ARK2C: variants seen among roughly 807,000 people sequenced by gnomAD.
ARK2C encodes the protein E3 ubiquitin-protein ligase ARK2C.
the ARK2C span, among the ~76,000 whole-genome samples, chr18:46,343,853 G>C: frequency 6.6e-6 from 1 of 152,246 alleles, no homozygotes; most frequent in South Asian, 2.1e-4. Context: ...TGCCTGGCTA[G>C]TAGCCCACCC....
chr18:46,383,550 GTT>G, the ARK2C span, among the ~76,000 whole-genome samples: 1,056 of 97,810 alleles, frequency 0.011, 1 homozygote, highest in African/African-American at 0.017. Flanking sequence ...GGTTTTCTCT[GTT>G]TTTTTTTTTT....
chr18:46,341,874 C>A, the ARK2C span, among the ~76,000 whole-genome samples: 1 of 152,272 alleles, frequency 6.6e-6, no homozygotes, highest in African/African-American at 2.4e-5. Context: ...AAAAGACAGA[C>A]CCCAAAGTGG....
chr18:46,386,479 G>T, the ARK2C span: 1 of 152,076 alleles, frequency 6.6e-6, no homozygotes, highest in East Asian at 1.9e-4. Context: ...CTAAGGCCTG[G>T]TAAGGACTGG....
At chr18:46,387,771 AG>A in the ARK2C span, among the ~76,000 whole-genome samples, 1 of 152,272 alleles carries the variant, frequency 6.6e-6, no homozygotes, top group Non-Finnish European at 1.5e-5. Context: ...CTGAAATCCC[AG>A]GGTCAGCTCA....
chr18:46,432,676 G>C, the ARK2C span, among the ~76,000 whole-genome samples: 1 of 152,224 alleles, frequency 6.6e-6, no homozygotes, highest in Admixed American at 6.5e-5. Flanking sequence ...ACACTTCCCC[G>C]GCCAGGCGCG....
the ARK2C span, among the ~76,000 whole-genome samples, chr18:46,414,677 C>T: frequency 2.0e-5 from 3 of 152,188 alleles, no homozygotes; most frequent in Non-Finnish European, 4.4e-5. Context: ...CACAGATGCA[C>T]GCTCACAGAC....
the ARK2C span, among the ~76,000 whole-genome samples, chr18:46,436,984 G>T: frequency 6.6e-6 from 1 of 152,366 alleles, no homozygotes; most frequent in Non-Finnish European, 1.5e-5. Flanking sequence ...TCATCCTGGG[G>T]AGATGGCAGG....
At chr18:46,383,548 C>G in the ARK2C span, among the ~76,000 whole-genome samples, 1 of 125,660 alleles carries the variant, frequency 8.0e-6, no homozygotes, top group Non-Finnish European at 1.6e-5. Flanking sequence ...TTGGTTTTCT[C>G]TGTTTTTTTT....
At chr18:46,427,051 A>G in the ARK2C span, among the ~76,000 whole-genome samples, 1 of 152,184 alleles carries the variant, frequency 6.6e-6, no homozygotes. Context: ...CAGACCCTAC[A>G]TGATTTAGGG....
the ARK2C span, among the ~76,000 whole-genome samples, chr18:46,360,365 A>G: frequency 1.2e-4 from 18 of 152,280 alleles, no homozygotes; most frequent in African/African-American, 4.1e-4. Flanking sequence ...TGCTCCCCAC[A>G]ATGGTGCTCA....
the ARK2C span, among the ~76,000 whole-genome samples, chr18:46,395,908 G>C: frequency 3.9e-5 from 6 of 152,304 alleles, no homozygotes; most frequent in East Asian, 1.2e-3. Flanking sequence ...TAGTTCTTCC[G>C]ATCTCATTTA....
the ARK2C span, among the ~76,000 whole-genome samples, chr18:46,395,839 G>T: frequency 6.6e-6 from 1 of 152,214 alleles, no homozygotes. Context: ...TGGGAGGAAG[G>T]AGTTGAGTAG....
At chr18:46,451,755 T>C in the ARK2C span, among the ~76,000 whole-genome samples, 1 of 152,216 alleles carries the variant, frequency 6.6e-6, no homozygotes, top group Non-Finnish European at 1.5e-5. Flanking sequence ...CAGTGAGCTA[T>C]GATTGCACCA....
At chr18:46,353,530 C>T in the ARK2C span, among the ~76,000 whole-genome samples, 1 of 152,094 alleles carries the variant, frequency 6.6e-6, no homozygotes, top group East Asian at 1.9e-4. Flanking sequence ...GTTTGCTCCC[C>T]GTCCGCTACC....
chr18:46,440,168 C>G, the ARK2C span, among the ~76,000 whole-genome samples: 5 of 152,144 alleles, frequency 3.3e-5, no homozygotes, highest in Admixed American at 2.6e-4. Flanking sequence ...CTCGCTTCCC[C>G]GGTCCTGATA....
chr18:46,402,170 T>C, the ARK2C span, among the ~76,000 whole-genome samples: 1 of 152,260 alleles, frequency 6.6e-6, no homozygotes, highest in African/African-American at 2.4e-5. Flanking sequence ...TTCTGACATG[T>C]ATATACCTAT....
the ARK2C span, among the ~76,000 whole-genome samples, chr18:46,445,213 G>A: frequency 1.4e-4 from 21 of 152,244 alleles, no homozygotes; most frequent in African/African-American, 5.1e-4. Context: ...AGGAGCACTT[G>A]CAGTTCAGTT....
chr18:46,456,476 C>T, the ARK2C span: 8 of 1,436,464 alleles, frequency 5.6e-6, no homozygotes, highest in Non-Finnish European at 7.9e-6. Flanking sequence ...CTCAGTGTCC[C>T]TCAGCTCTTG....
the ARK2C span, among the ~76,000 whole-genome samples, chr18:46,448,821 G>A: frequency 1.3e-5 from 2 of 152,296 alleles, no homozygotes; most frequent in Admixed American, 1.3e-4. Context: ...AGCAGCAAAA[G>A]CTTGATTGAA....
Sources: gnomAD v4.1 joint callset for allele counts (sites outside exome capture counted in the v4.1 genomes callset) on GRCh38, gnomAD v4.1.1 for gene constraint, MANE v1.5 for transcripts, NCBI Gene and HGNC (gene_info 2026-07-23, HGNC 2026-07-21) for gene names.